Variants in PIK3C2A observed in about 807,000 individuals in gnomAD.
The protein encoded by PIK3C2A is phosphatidylinositol-4-phosphate 3-kinase catalytic subunit type 2 alpha, also known as phosphatidylinositol 4-phosphate 3-kinase C2 domain-containing subunit alpha.
Under a neutral mutation model 204.5 loss-of-function variants are expected in PIK3C2A, and 97 were observed. The ratio of observed to expected loss-of-function variants is 0.47; its 90% confidence interval spans 0.40 to 0.56. The LOEUF (loss-of-function observed/expected upper bound fraction) is 0.56. Among genes scored for constraint, PIK3C2A ranks in the 20% least tolerant of loss-of-function variants. PIK3C2A has a pLI of 0.00. For synonymous variants in PIK3C2A, 653 were observed against 664.4 expected (o/e 0.98, Z 0.26); for missense variants, 1,735 against 1,969.2 (o/e 0.88, Z 2.25).
intron 26 of PIK3C2A, among the ~76,000 whole-genome samples, 169 bp downstream of exon 26, chr11:17,099,691 G>T (rs1848559482): frequency 6.6e-6 from 1 of 152,112 alleles, no homozygotes; most frequent in Admixed American, 6.6e-5. Flanking sequence ...CAAATCCTTT[G>T]TATTTATTAG....
intron 11 of PIK3C2A, among the ~76,000 whole-genome samples, chr11:17,133,088 C>A (rs908031419): frequency 1.3e-5 from 2 of 152,182 alleles, no homozygotes; most frequent in Non-Finnish European, 2.9e-5. Context: ...TCACACAATA[C>A]CCCTAAGCAA....
chr11:17,171,042 G>T (rs1177290154), intron 1 of PIK3C2A, among the ~76,000 whole-genome samples: 3 of 152,184 alleles, frequency 2.0e-5, no homozygotes, highest in Admixed American at 2.0e-4. Context: ...GGCGGAGCTT[G>T]CAGTGAGCCG....
chr11:17,203,434 C>T (rs921338191), intron 1 of PIK3C2A, among the ~76,000 whole-genome samples: 2 of 151,938 alleles, frequency 1.3e-5, no homozygotes, highest in African/African-American at 4.8e-5. Flanking sequence ...AATATGACTC[C>T]ACTACAGATG....
Position 17,122,216 on chromosome 11 carries a change from C to A in PIK3C2A, c.2629G>T (p.Asp877Tyr). Residue 877 changes from aspartate (D) to tyrosine (Y), a missense_variant, in exon 15 of 33, where the codon GAT becomes TAT. Physicochemically the swap from Asp to Tyr is radical, Grantham distance 160. Transcript: ENST00000691414. ...LENDIKGKLL[D>Y]ILHKDSSLGL... is the part of the protein sequence containing the mutation. Reference sequence around the variant, plus strand: ...AGTGATGAGTCTTTATGAAGAATATCAAGAAGTTTCCCTTTTATATCATTC... The same window carrying A: ...AGTGATGAGTCTTTATGAAGAATATAAAGAAGTTTCCCTTTTATATCATTC... The A allele has an allele frequency of 6.3e-7, 1 of 1,581,640 alleles. No individual in the cohort carries two copies. Among genetic ancestry groups the A allele is most frequent in the African/African-American group, 1.3e-5 (1 of 74,316 alleles).
In PIK3C2A at chr11:17,088,053, T is replaced by A. The variant is rs911371736; in HGVS notation, c.*1685A>T. On this transcript the variant is annotated 3_prime_UTR_variant, in exon 33 of 33. Coordinates refer to ENST00000691414, the MANE Select transcript of PIK3C2A (RefSeq NM_002645.4). The stretch of plus-strand genomic sequence containing the variant: ...TTCTGGGAAACTGAATTGGCGATTG[T>A]CCTTTCTCTCTTGGTATTCTTTATT... The A allele has an allele frequency of 2.6e-5, 4 of 152,182 alleles. No individual in the cohort carries two copies. The highest frequency in any genetic ancestry group is 2.6e-4 in the Admixed American group (4 of 15,264). The allele number at this position is 152,182 out of a possible 1,614,324, so 9.4% of individuals were successfully genotyped here.
intron 14 of PIK3C2A, 144 bp downstream of exon 14, chr11:17,122,558 A>G (rs997050222): frequency 1.6e-6 from 1 of 625,246 alleles, no homozygotes; most frequent in Non-Finnish European, 2.8e-6. Flanking sequence ...TCTCAGAAAT[A>G]TTGATATTAA....
intron 31 of PIK3C2A, 21 bp from the exon 32 acceptor site, chr11:17,091,480 T>TTAA: frequency 6.2e-7 from 1 of 1,610,900 alleles, no homozygotes; most frequent in Non-Finnish European, 8.5e-7. Flanking sequence ...AAGCAGTCCC[T>TTAA]TAATAGTAAT....
chr11:17,131,204 T>A (rs1054447172), intron 12 of PIK3C2A, among the ~76,000 whole-genome samples: 2 of 152,120 alleles, frequency 1.3e-5, no homozygotes, highest in African/African-American at 4.8e-5. Context: ...AGTAAAAAGA[T>A]AACTTTTTTC....
intron 1 of PIK3C2A, among the ~76,000 whole-genome samples, chr11:17,187,298 G>A (rs1366647195): frequency 6.6e-6 from 1 of 152,158 alleles, no homozygotes; most frequent in East Asian, 1.9e-4. Flanking sequence ...AATATTGTCA[G>A]AAACTACAGA....
intron 1 of PIK3C2A, among the ~76,000 whole-genome samples, chr11:17,176,322 A>G (rs1851339717): frequency 6.6e-6 from 1 of 150,792 alleles, no homozygotes. Flanking sequence ...TGAATATTAT[A>G]CCACCATTAA....
chr11:17,114,851 T>C (rs61763073), intron 19 of PIK3C2A, among the ~76,000 whole-genome samples: 1,597 of 152,292 alleles, frequency 0.01, 11 homozygotes, highest in Non-Finnish European at 0.018. Flanking sequence ...TGTAGAGCAA[T>C]GTAACAACTA....
At chr11:17,174,239 C>T (rs1851266647) in intron 1 of PIK3C2A, among the ~76,000 whole-genome samples, 1 of 152,130 alleles carries the variant, frequency 6.6e-6, no homozygotes, top group African/African-American at 2.4e-5. Context: ...AGTGTAATCA[C>T]CTATTGTGGA....
chr11:17,121,312 T>C (rs914348404), intron 15 of PIK3C2A, among the ~76,000 whole-genome samples: 1 of 152,038 alleles, frequency 6.6e-6, no homozygotes, highest in African/African-American at 2.4e-5. Context: ...AGACAGGGTC[T>C]CACTATATTG....
intron 1 of PIK3C2A, chr11:17,193,877 G>C (rs1565305842): frequency 1.1e-5 from 2 of 186,614 alleles, no homozygotes; most frequent in African/African-American, 2.9e-5. Context: ...GAAAAGAAAA[G>C]AAAAGAAAAG....
At chr11:17,120,368 T>C (rs552018063) in intron 15 of PIK3C2A, among the ~76,000 whole-genome samples, 1 of 152,146 alleles carries the variant, frequency 6.6e-6, no homozygotes, top group African/African-American at 2.4e-5. Flanking sequence ...AATACTACTA[T>C]AAAATTTTGG....
Position 17,114,483 on chromosome 11 carries a change from A to G in PIK3C2A, c.3217-18T>C, listed in dbSNP as rs1171633844. 2.8e-6 allele frequency: 3 copies of G among 1,063,356 alleles called. No homozygotes were observed. The South Asian group carries it at 3.8e-5, about 14-fold the overall frequency. The allele number at this position is 1,063,356 out of a possible 1,614,324, so 65.9% of individuals were successfully genotyped here. On this transcript the variant is annotated intron_variant, in intron 19 of 32. Coordinates refer to ENST00000691414, the MANE Select transcript of PIK3C2A (RefSeq NM_002645.4). Reference sequence around the variant, plus strand: ...AGAACAACCTATAGAAAGAGATGTGATACTGTAAGTACATAATGAAAATGA... The same window carrying G: ...AGAACAACCTATAGAAAGAGATGTGGTACTGTAAGTACATAATGAAAATGA...
chr11:17,094,355 G>C lies in PIK3C2A; in HGVS notation c.4357C>G (p.Gln1453Glu). ...IYVVRILREG[Q>E]IEPSFVFRTF... ...CGGAAGACAAATGATGGTTCAATCT[G>C]TCCTTCCCTCAAAATTCGGACTACA... The change falls in exon 28 of 33, where the codon CAG becomes GAG. Residue 1453 changes from glutamine (Q) to glutamate (E), a missense_variant. Gln to Glu is a conservative substitution (Grantham distance 29). Transcript: ENST00000691414. 1 of 1,608,830 alleles carries C rather than the reference G, an allele frequency of 6.2e-7. No individual in the cohort carries two copies. Among genetic ancestry groups the C allele is most frequent in the East Asian group, 2.2e-5 (1 of 44,838 alleles).
At chr11:17,198,678 C>T (rs1345060779) in intron 1 of PIK3C2A, among the ~76,000 whole-genome samples, 1 of 152,106 alleles carries the variant, frequency 6.6e-6, no homozygotes, top group Non-Finnish European at 1.5e-5. Context: ...TGTACTCCCA[C>T]CTACTCTGGA....
intron 28 of PIK3C2A, among the ~76,000 whole-genome samples, chr11:17,093,698 T>C (rs913048306): frequency 1.3e-5 from 2 of 151,716 alleles, no homozygotes; most frequent in Admixed American, 6.6e-5. Flanking sequence ...AATGCAGTGA[T>C]GTGATCTTCG....
Sources: gnomAD v4.1 joint callset for allele counts (sites outside exome capture counted in the v4.1 genomes callset) on GRCh38, gnomAD v4.1.1 for gene constraint, MANE v1.5 for transcripts, NCBI Gene and HGNC (gene_info 2026-07-23, HGNC 2026-07-21) for gene names.